OSGIN2: variants seen among roughly 807,000 people sequenced by gnomAD.
OSGIN2 encodes oxidative stress induced growth inhibitor family member 2, also known as oxidative stress-induced growth inhibitor 2.
OSGIN2 carries 19 observed loss-of-function variants against 53.8 expected under a neutral mutation model. That is an observed-to-expected ratio of 0.35 (90% CI 0.25 to 0.52). OSGIN2 has a LOEUF of 0.52. Ranked by LOEUF, OSGIN2 falls within the 20% of genes least tolerant of loss-of-function variation. The pLI is 0.95. For missense variants in OSGIN2, 520 were observed against 662.7 expected, an observed-to-expected ratio of 0.78 and a Z score of 2.36; for synonymous variants, 236 against 236.0, an observed-to-expected ratio of 1.00 and a Z score of 0.00.
At chr8:89,919,029 C>T (rs1383747879) in intron 4 of OSGIN2, among the ~76,000 whole-genome samples, 1 of 152,172 alleles carries the variant, frequency 6.6e-6, no homozygotes, top group African/African-American at 2.4e-5. Context: ...AGATGTTACA[C>T]CAATGCATAA....
At chr8:89,918,277 A>G (rs1003253407) in intron 4 of OSGIN2, among the ~76,000 whole-genome samples, 2 of 151,746 alleles carry the variant, frequency 1.3e-5, no homozygotes, top group African/African-American at 4.8e-5. Flanking sequence ...TCCTTTTCTG[A>G]TACCTTTGTG....
At chr8:89,915,719 AT>A (rs1053825702) in intron 4 of OSGIN2, among the ~76,000 whole-genome samples, 2 of 152,144 alleles carry the variant, frequency 1.3e-5, no homozygotes, top group African/African-American at 4.8e-5. Context: ...TACATACCAA[AT>A]TTTTAGTACA....
At chr8:89,912,072 T>C (rs2130697988) in intron 2 of OSGIN2, among the ~76,000 whole-genome samples, 2 of 152,392 alleles carry the variant, frequency 1.3e-5, no homozygotes, top group South Asian at 4.1e-4. Flanking sequence ...TGGTTTTACT[T>C]TTCTTATATC....
chr8:89,909,037 A>C (rs60057244), intron 1 of OSGIN2, among the ~76,000 whole-genome samples: 1 of 84,902 alleles, frequency 1.2e-5, no homozygotes, highest in African/African-American at 7.2e-5. Flanking sequence ...AAAAAAAAAA[A>C]ATATATATAT....
chr8:89,915,676 T>C (rs1037310166), intron 4 of OSGIN2, among the ~76,000 whole-genome samples: 10 of 152,222 alleles, frequency 6.6e-5, no homozygotes, highest in Admixed American at 4.6e-4. Context: ...TGCTGTGTTA[T>C]GAATTACAGA....
At chr8:89,923,586 T>G (rs547287833) in intron 5 of OSGIN2, among the ~76,000 whole-genome samples, 1 of 152,358 alleles carries the variant, frequency 6.6e-6, no homozygotes, top group African/African-American at 2.4e-5. Flanking sequence ...TTCAACACTT[T>G]ATTATAAAAT....
At chr8:89,905,533 A>AATATTT (rs1270718706) in intron 1 of OSGIN2, among the ~76,000 whole-genome samples, 18 of 151,850 alleles carry the variant, frequency 1.2e-4, no homozygotes, top group Admixed American at 1.2e-3. Context: ...ATTTTTTAGA[A>AATATTT]AGAATAATTA....
Position 89,902,826 on chromosome 8 carries a change from C to G in OSGIN2, c.33C>G (p.Ala11=), listed in dbSNP as rs1487296608. The change falls in exon 1 of 6, where the codon GCC becomes GCG. Residue 11 remains alanine, a synonymous_variant. Transcript: ENST00000451899. ...TGTGGTGCTGCCGCTGCTCCCTGGCCGGTCATTTCAGGTGACTTCCTCGCC... is the reference window on the plus strand; with the variant it reads ...TGTGGTGCTGCCGCTGCTCCCTGGCGGGTCATTTCAGGTGACTTCCTCGCC... MPVWCCRCSL[A]GHFRNYSDTE... is the part of the protein sequence containing the mutation. The G allele has an allele frequency of 4.4e-6, 6 of 1,379,146 alleles. No homozygotes were observed. In the African/African-American group the frequency reaches 4.4e-5, roughly 10 times the overall value. 85.4% of individuals were successfully genotyped at this position (1,379,146 alleles called of 1,614,324 possible).
intron 1 of OSGIN2, among the ~76,000 whole-genome samples, chr8:89,903,228 G>A (rs1297393951): frequency 1.3e-5 from 2 of 152,250 alleles, no homozygotes; most frequent in South Asian, 4.1e-4. Context: ...TGAGTGGAAG[G>A]AAGGTAGGGA....
chr8:89,902,377 C>T (rs940501662), upstream of OSGIN2, among the ~76,000 whole-genome samples: 2 of 152,278 alleles, frequency 1.3e-5, no homozygotes, highest in East Asian at 1.9e-4. Flanking sequence ...AGTTTGCCTG[C>T]AGACCTCGGT....
Position 89,921,110 on chromosome 8 carries a change from T to G in OSGIN2, c.559T>G (p.Phe187Val). 1.2e-6 allele frequency: 2 copies of G among 1,606,008 alleles called. No individual in the cohort carries two copies. Among genetic ancestry groups the G allele is most frequent in the Non-Finnish European group, 1.7e-6 (2 of 1,175,346 alleles). ...GGAAGGCTCCATGTTGACAATCAGC[T>G]TTGGAAGTTGGATGGAACTACCTGG... is the stretch of plus-strand genomic sequence containing the variant. Reference protein sequence around the residue: ...NMEGSMLTISFGSWMELPGLK... With the variant: ...NMEGSMLTISVGSWMELPGLK... Residue 187 changes from phenylalanine to valine, a missense_variant, in exon 5 of 6, where the codon TTT (phenylalanine) becomes GTT (valine). By Grantham distance (50) the Phe-to-Val change is conservative. Transcript: ENST00000451899.
chr8:89,918,695 G>A (rs1809133455), intron 4 of OSGIN2, among the ~76,000 whole-genome samples: 2 of 152,182 alleles, frequency 1.3e-5, no homozygotes, highest in African/African-American at 4.8e-5. Context: ...CAGACTCAAC[G>A]TACCTAAAAC....
At position 89,924,624 on chromosome 8, in the gene OSGIN2, C is replaced by A. The variant is rs757979559; in HGVS notation, c.742C>A (p.Leu248Ile). 1 of 1,613,840 alleles carries A rather than the reference C, an allele frequency of 6.2e-7. No homozygotes were observed. Among genetic ancestry groups the A allele is most frequent in the South Asian group, 1.1e-5 (1 of 91,080 alleles). The change falls in exon 6 of 6, where the codon CTC becomes ATC. Residue 248 changes from leucine (L) to isoleucine (I), a missense_variant. Transcript: ENST00000451899. Reference sequence around the variant, plus strand: ...TACTTACATAACTTCCGTATCAAGACTCTACAGAGATCAAGATGATGATGA... The same window carrying A: ...TACTTACATAACTTCCGTATCAAGAATCTACAGAGATCAAGATGATGATGA... ...ENTYITSVSR[L>I]YRDQDDDDIQ...
In OSGIN2 at chr8:89,902,719, C is replaced by G. The variant is rs1317558091; in HGVS notation, c.-75C>G. On this transcript the variant is annotated 5_prime_UTR_variant, in exon 1 of 6. Coordinates refer to ENST00000451899, the MANE Select transcript of OSGIN2 (RefSeq NM_001126111.3). Reference sequence around the variant, plus strand: ...CGCGACCCCGAGCCAGCGGGCGCCCCGAGCGGGCAGCCTCGCCGGGGGAGG... The same window carrying G: ...CGCGACCCCGAGCCAGCGGGCGCCCGGAGCGGGCAGCCTCGCCGGGGGAGG... The G allele has an allele frequency of 2.4e-6, 2 of 829,566 alleles. No individual in the cohort carries two copies. Among genetic ancestry groups the G allele is most frequent in the Non-Finnish European group, 3.0e-6 (2 of 664,452 alleles). The allele number at this position is 829,566 out of a possible 1,614,324, so 51.4% of individuals were successfully genotyped here.
rs1429700448 is a variant in OSGIN2, at chr8:89,914,555, G to A, written c.337G>A (p.Asp113Asn). The A allele has an allele frequency of 2.5e-6, 4 of 1,612,672 alleles. No homozygotes were observed. The South Asian group carries it at 3.3e-5, about 13-fold the overall frequency. Residue 113 changes from aspartate to asparagine, a missense_variant and splice_region_variant, in exon 4 of 6, where the codon GAC (aspartate) becomes AAC (asparagine). Physicochemically the swap from Asp to Asn is conservative, Grantham distance 23. Around this residue, in one of 3 missense-constraint regions of OSGIN2, gnomAD observed 203 missense variants for 275.3 expected, o/e 0.74. Coordinates refer to ENST00000451899, the MANE Select transcript of OSGIN2 (RefSeq NM_001126111.3). Reference protein sequence around the residue: ...EARHLSIVDQDLEYLSEGLEG... With the variant: ...EARHLSIVDQNLEYLSEGLEG... The stretch of plus-strand genomic sequence containing the variant: ...CTCTGTCTCCCTTTTGTTCATTCAG[G>A]ACTTAGAATACTTGTCTGAGGGCCT...
intron 3 of OSGIN2, 74 bp downstream of exon 3, chr8:89,914,287 TTC>T: frequency 1.8e-6 from 2 of 1,116,682 alleles, no homozygotes; most frequent in Admixed American, 2.5e-5. Flanking sequence ...TATATGAACT[TTC>T]TTAGTTGAAA....
chr8:89,906,641 T>C lies in OSGIN2; in HGVS notation c.45-2926T>C, dbSNP rs542958141. On this transcript the variant is annotated intron_variant, in intron 1 of 5. Coordinates refer to ENST00000451899, the MANE Select transcript of OSGIN2 (RefSeq NM_001126111.3). ...TTTTTTGTGGCTGTATAGTATTCTA[T>C]GGTGCATATGTACCATGTTTTCTTT... Among the ~76,000 whole-genome samples, 11 of 152,352 alleles carry C rather than the reference T, an allele frequency of 7.2e-5. No homozygotes were observed. The South Asian group carries it at 2.3e-3, about 32-fold the overall frequency.
At chr8:89,909,037 A>AAAAAAAAATATATATATATATAT (rs1554550040) in intron 1 of OSGIN2, among the ~76,000 whole-genome samples, 1 of 84,902 alleles carries the variant, frequency 1.2e-5, no homozygotes, top group African/African-American at 7.2e-5. Flanking sequence ...AAAAAAAAAA[A>AAAAAAAAATATATATATATATAT]ATATATATAT....
chr8:89,922,943 CTAAA>C (rs763621554), intron 5 of OSGIN2, among the ~76,000 whole-genome samples: 3 of 151,882 alleles, frequency 2.0e-5, no homozygotes, highest in Non-Finnish European at 2.9e-5. Context: ...ATTTTTGTAT[CTAAA>C]TATACAAAAA....
Sources: gnomAD v4.1 joint callset for allele counts (sites outside exome capture counted in the v4.1 genomes callset) on GRCh38, gnomAD v4.1.1 for gene constraint, gnomAD v4.1.1 regional missense constraint, MANE v1.5 for transcripts, NCBI Gene and HGNC (gene_info 2026-07-23, HGNC 2026-07-21) for gene names.